UMAD1: variants seen among roughly 807,000 people sequenced by gnomAD.
UMAD1 encodes UBAP1-MVB12-associated (UMA)-domain containing protein 1.
UMAD1 carries 8 observed loss-of-function variants against 6.1 expected under a neutral mutation model. The observed-to-expected ratio is 1.30, with a 90% confidence interval of 0.76 to 2.35. The LOEUF (loss-of-function observed/expected upper bound fraction) is 2.35, where lower values mean the gene tolerates loss of function less well. Ranked by LOEUF, UMAD1 falls within the 30% of genes most tolerant of loss-of-function variation. The pLI, the probability that UMAD1 is intolerant of heterozygous loss-of-function variation, is 0.00. For missense variants in UMAD1, 130 were observed against 78.4 expected, an observed-to-expected ratio of 1.66 and a Z score of -2.49; for synonymous variants, 56 against 31.4, an observed-to-expected ratio of 1.78 and a Z score of -2.61.
chr7:7,737,358 C>T (rs1781380581), intron 2 of UMAD1, among the ~76,000 whole-genome samples: 1 of 152,144 alleles, frequency 6.6e-6, no homozygotes. Context: ...AAATACCAGC[C>T]CAGTGGGTGC....
intron 2 of UMAD1, among the ~76,000 whole-genome samples, chr7:7,788,910 A>T (rs937499621): frequency 1.3e-5 from 2 of 152,198 alleles, no homozygotes. Flanking sequence ...TCGCCCTGAA[A>T]TTCTCCATAA....
chr7:7,647,913 A>T (rs1785133722), intron 1 of UMAD1, among the ~76,000 whole-genome samples: 1 of 152,058 alleles, frequency 6.6e-6, no homozygotes, highest in Non-Finnish European at 1.5e-5. Flanking sequence ...CTTGGCTTTA[A>T]AGTTTTTGTT....
At chr7:7,865,467 G>A (rs1784208456) in intron 3 of UMAD1, among the ~76,000 whole-genome samples, 1 of 152,180 alleles carries the variant, frequency 6.6e-6, no homozygotes, top group Non-Finnish European at 1.5e-5. Flanking sequence ...TCCTTGGGGA[G>A]GAATAAGGGG....
chr7:7,789,386 A>G (rs1782521154), intron 2 of UMAD1, among the ~76,000 whole-genome samples: 1 of 152,242 alleles, frequency 6.6e-6, no homozygotes, highest in South Asian at 2.1e-4. Context: ...TATGAAAACA[A>G]TTGTTAGAAC....
intron 3 of UMAD1, 42 bp from the exon 4 acceptor site, chr7:7,877,239 A>C: frequency 1.4e-6 from 1 of 690,942 alleles, no homozygotes; most frequent in South Asian, 1.5e-5. Context: ...TTCAACCTCA[A>C]AGTTCACAAG....
intron 3 of UMAD1, among the ~76,000 whole-genome samples, chr7:7,809,844 C>A (rs1782989331): frequency 6.6e-6 from 1 of 152,016 alleles, no homozygotes; most frequent in African/African-American, 2.4e-5. Context: ...CCTTCAGATT[C>A]TGTAGGGACG....
At chr7:7,699,251 C>T (rs187016965) in intron 2 of UMAD1, among the ~76,000 whole-genome samples, 1 of 152,184 alleles carries the variant, frequency 6.6e-6, no homozygotes, top group Admixed American at 6.5e-5. Context: ...TCTTATCAGA[C>T]TCATTTTAAT....
chr7:7,662,504 A>G (rs1479487001), intron 1 of UMAD1, among the ~76,000 whole-genome samples: 2 of 152,198 alleles, frequency 1.3e-5, no homozygotes, highest in African/African-American at 4.8e-5. Flanking sequence ...AAAGCGTAGT[A>G]TCCGGACCGG....
intron 1 of UMAD1, among the ~76,000 whole-genome samples, chr7:7,667,251 T>C (rs1779488918): frequency 2.0e-5 from 3 of 152,222 alleles, no homozygotes; most frequent in Non-Finnish European, 2.9e-5. Context: ...AAATTTGGTA[T>C]GTTTCCTGTT....
chr7:7,708,870 T>A (rs1264489742), intron 2 of UMAD1, among the ~76,000 whole-genome samples: 1 of 151,866 alleles, frequency 6.6e-6, no homozygotes, highest in Non-Finnish European at 1.5e-5. Context: ...ATACAGGCAG[T>A]TGTATGTTTT....
intron 1 of UMAD1, among the ~76,000 whole-genome samples, chr7:7,656,293 C>G (rs1222052227): frequency 1.3e-5 from 2 of 151,992 alleles, no homozygotes; most frequent in African/African-American, 4.8e-5. Context: ...TAGTAAAGAA[C>G]TTGTTCATGT....
rs1046182241 is a variant in UMAD1 at position 7,878,659 on chromosome 7, C to A, written c.*1121C>A. 7 of 152,284 alleles carry A rather than the reference C, an allele frequency of 4.6e-5. No homozygotes were observed. Among genetic ancestry groups the A allele is most frequent in the South Asian group, 2.1e-4 (1 of 4,830 alleles). The allele number at this position is 152,284 out of a possible 1,614,324, so 9.4% of individuals were successfully genotyped here. The stretch of plus-strand genomic sequence containing the variant: ...GATTACCAGCAATATGATTTGTTAA[C>A]TCTGTGCCAAGTTTTAAGTATATTT... On this transcript the variant is annotated 3_prime_UTR_variant, in exon 4 of 4. Coordinates refer to ENST00000682710, the MANE Select transcript of UMAD1 (RefSeq NM_001302348.2).
At chr7:7,746,164 T>C (rs2115212596) in intron 2 of UMAD1, among the ~76,000 whole-genome samples, 2 of 152,332 alleles carry the variant, frequency 1.3e-5, no homozygotes, top group South Asian at 4.1e-4. Flanking sequence ...ACCGTAGAGT[T>C]TGTACTGTTT....
At chr7:7,784,440 C>T (rs1985617) in intron 2 of UMAD1, among the ~76,000 whole-genome samples, 6,549 of 150,392 alleles carry the variant, frequency 0.044, 225 homozygotes, top group Middle Eastern at 0.059. Context: ...GGTTCACGCC[C>T]TTCTCCTGCC....
chr7:7,837,721 A>G (rs536753497), intron 3 of UMAD1, among the ~76,000 whole-genome samples: 2 of 40,352 alleles, frequency 5.0e-5, no homozygotes, highest in Non-Finnish European at 5.5e-5. Flanking sequence ...AAATGTGAAT[A>G]TATCAGTTAC....
intron 3 of UMAD1, among the ~76,000 whole-genome samples, chr7:7,869,622 G>C (rs1395053052): frequency 6.6e-6 from 1 of 152,114 alleles, no homozygotes; most frequent in African/African-American, 2.4e-5. Flanking sequence ...GCAGAAAAAA[G>C]CAGGAGGTTT....
intron 2 of UMAD1, among the ~76,000 whole-genome samples, chr7:7,785,048 T>C (rs1316175823): frequency 6.6e-6 from 1 of 152,196 alleles, no homozygotes; most frequent in Non-Finnish European, 1.5e-5. Context: ...TGGAGAACTT[T>C]TCCTGTATGG....
chr7:7,674,766 C>T (rs1002539110), intron 2 of UMAD1, among the ~76,000 whole-genome samples: 15 of 152,164 alleles, frequency 9.9e-5, no homozygotes, highest in Admixed American at 2.6e-4. Flanking sequence ...TCCTTGAAAG[C>T]TGCCAGTGTT....
At chr7:7,689,133 C>T (rs1780111233) in intron 2 of UMAD1, among the ~76,000 whole-genome samples, 1 of 152,100 alleles carries the variant, frequency 6.6e-6, no homozygotes, top group South Asian at 2.1e-4. Flanking sequence ...CTAAGCCAGT[C>T]ACGGTAGTCT....
Sources: gnomAD v4.1 joint callset for allele counts (sites outside exome capture counted in the v4.1 genomes callset) on GRCh38, gnomAD v4.1.1 for gene constraint, MANE v1.5 for transcripts, NCBI Gene and HGNC (gene_info 2026-07-23, HGNC 2026-07-21) for gene names.